BMPR1B: variants seen among roughly 807,000 people sequenced by gnomAD.
BMPR1B encodes bone morphogenetic protein receptor type-1B.
BMPR1B carries 12 observed loss-of-function variants against 59.1 expected under a neutral mutation model. That is an observed-to-expected ratio of 0.20 (90% confidence interval 0.13 to 0.33). The LOEUF (loss-of-function observed/expected upper bound fraction) is 0.33. BMPR1B is among the 10% of genes least tolerant of loss of function. The pLI is 1.00. For missense variants in BMPR1B, 550 were observed against 610.9 expected (o/e 0.90, Z 1.05); for synonymous variants, 237 against 207.3 (o/e 1.14, Z -1.23).
At chr4:95,056,268 A>G (rs1726921355) in intron 3 of BMPR1B, among the ~76,000 whole-genome samples, 1 of 152,150 alleles carries the variant, frequency 6.6e-6, no homozygotes, top group Non-Finnish European at 1.5e-5. Context: ...TGAATAGTAA[A>G]ATACATAAGG....
intron 1 of BMPR1B, among the ~76,000 whole-genome samples, chr4:94,768,543 CA>C (rs1016021674): frequency 2.2e-4 from 33 of 152,090 alleles, no homozygotes; most frequent in Middle Eastern, 3.4e-3. Context: ...TGCACTTAAT[CA>C]AAAAACACTA....
chr4:94,933,922 C>T (rs1361522498), intron 2 of BMPR1B, among the ~76,000 whole-genome samples: 1 of 152,136 alleles, frequency 6.6e-6, no homozygotes, highest in Admixed American at 6.6e-5. Flanking sequence ...AATGCCTACA[C>T]AGTACATAGG....
intron 1 of BMPR1B, among the ~76,000 whole-genome samples, chr4:94,817,084 C>T (rs1244985626): frequency 2.6e-5 from 4 of 152,138 alleles, no homozygotes; most frequent in Non-Finnish European, 5.9e-5. Context: ...TCGTTCCTCC[C>T]CTCCAGAGGA....
rs962341265 is a variant in BMPR1B, at chr4:95,006,017, A to C, written c.-18+9883A>C. Among the ~76,000 whole-genome samples the C allele has an allele frequency of 2.4e-4, 37 of 152,184 alleles. 1 individual carries two copies. Among genetic ancestry groups the C allele is most frequent in the African/African-American group, 8.9e-4 (37 of 41,434 alleles). ...GCTGGGCACAGTGGCTCAAGCCTCTAATCTCAGCACTTTGGGAGGCTGAGG... is the reference window on the plus strand; with the variant it reads ...GCTGGGCACAGTGGCTCAAGCCTCTCATCTCAGCACTTTGGGAGGCTGAGG... On this transcript the variant is annotated intron_variant, in intron 3 of 12. Transcript: ENST00000515059.
At chr4:94,873,183 A>T (rs1395337335) in intron 1 of BMPR1B, among the ~76,000 whole-genome samples, 1 of 152,008 alleles carries the variant, frequency 6.6e-6, no homozygotes, top group Non-Finnish European at 1.5e-5. Context: ...TTGTTCTGTC[A>T]CTTCGGATAC....
At chr4:95,010,431 C>T (rs1723138270) in intron 3 of BMPR1B, among the ~76,000 whole-genome samples, 1 of 152,156 alleles carries the variant, frequency 6.6e-6, no homozygotes, top group Non-Finnish European at 1.5e-5. Flanking sequence ...CCATATCTCT[C>T]TAACAGCTTC....
intron 4 of BMPR1B, among the ~76,000 whole-genome samples, chr4:95,112,414 G>A (rs1731694864): frequency 2.0e-5 from 3 of 152,060 alleles, no homozygotes; most frequent in African/African-American, 2.4e-5. Context: ...CTTTGACTGC[G>A]GAACATAGCT....
chr4:95,057,519 T>C (rs1368205535), intron 3 of BMPR1B, among the ~76,000 whole-genome samples: 1 of 152,006 alleles, frequency 6.6e-6, no homozygotes. Flanking sequence ...TGCTGCACTT[T>C]TATTTTTAAT....
chr4:94,761,653 T>C (rs944499272), intron 1 of BMPR1B, among the ~76,000 whole-genome samples: 5 of 152,162 alleles, frequency 3.3e-5, no homozygotes, highest in Non-Finnish European at 7.4e-5. Context: ...AAGACCACTT[T>C]ACTTGTTGTC....
At chr4:94,899,908 G>C (rs1727740015) in intron 2 of BMPR1B, among the ~76,000 whole-genome samples, 1 of 151,836 alleles carries the variant, frequency 6.6e-6, no homozygotes, top group Admixed American at 6.6e-5. Flanking sequence ...TATAGTTTCA[G>C]GTATATATTT....
chr4:95,083,016 C>T (rs368029635), intron 3 of BMPR1B, among the ~76,000 whole-genome samples: 2 of 111,340 alleles, frequency 1.8e-5, no homozygotes, highest in African/African-American at 7.2e-5. Flanking sequence ...CCATCCTGGG[C>T]GACAGAGCAA....
chr4:94,932,124 T>C (rs11930676), intron 2 of BMPR1B, among the ~76,000 whole-genome samples: 12,532 of 152,196 alleles, frequency 0.082, 577 homozygotes, highest in Non-Finnish European at 0.11. Context: ...ACCATTGCCC[T>C]AACTTCTTCT....
At chr4:94,831,248 A>AC (rs1303469840) in intron 1 of BMPR1B, among the ~76,000 whole-genome samples, 1 of 151,914 alleles carries the variant, frequency 6.6e-6, no homozygotes, top group Non-Finnish European at 1.5e-5. Flanking sequence ...AAAAAAAAAA[A>AC]AAACGTAGAA....
At chr4:94,989,404 CA>C (rs201252872) in intron 2 of BMPR1B, among the ~76,000 whole-genome samples, 1 of 132,320 alleles carries the variant, frequency 7.6e-6, no homozygotes, top group Admixed American at 7.6e-5. Context: ...AAAAAAAAAA[CA>C]AAAAAAATCA....
intron 2 of BMPR1B, among the ~76,000 whole-genome samples, chr4:94,893,688 A>G (rs554421495): frequency 1.3e-5 from 2 of 151,976 alleles, no homozygotes; most frequent in African/African-American, 4.8e-5. Context: ...ACATGACTTG[A>G]GGTGAAATTT....
chr4:94,893,604 C>T (rs1485742603), intron 2 of BMPR1B, among the ~76,000 whole-genome samples: 3 of 151,932 alleles, frequency 2.0e-5, no homozygotes, highest in Admixed American at 2.0e-4. Flanking sequence ...TTGGCTTTCT[C>T]TAATCAGTGA....
intron 3 of BMPR1B, among the ~76,000 whole-genome samples, chr4:95,068,401 A>G (rs576138388): frequency 6.6e-6 from 1 of 152,040 alleles, no homozygotes; most frequent in Admixed American, 6.6e-5. Context: ...ATCCTCTTTG[A>G]CCTACCCGTG....
chr4:95,081,387 T>C (rs572450695), intron 3 of BMPR1B, among the ~76,000 whole-genome samples: 1 of 152,172 alleles, frequency 6.6e-6, no homozygotes, highest in Non-Finnish European at 1.5e-5. Flanking sequence ...GACTTGGGTA[T>C]TTGCAGCTAT....
At chr4:94,844,370 A>G (rs1442885755) in intron 1 of BMPR1B, among the ~76,000 whole-genome samples, 1 of 152,116 alleles carries the variant, frequency 6.6e-6, no homozygotes, top group Non-Finnish European at 1.5e-5. Context: ...ATTAGTTGAG[A>G]GGATTCAGAG....
Sources: allele counts gnomAD v4.1 joint callset (sites outside exome capture counted in the v4.1 genomes callset), GRCh38; gene constraint gnomAD v4.1.1; transcripts MANE v1.5; gene names NCBI Gene and HGNC (gene_info 2026-07-23, HGNC 2026-07-21).